The following EIF3M variants were observed in gnomAD, a reference collection of about 807,000 sequenced individuals.
The protein encoded by EIF3M is B5 receptor.
EIF3M carries 25 observed loss-of-function variants against 49.7 expected under a neutral mutation model. The observed-to-expected ratio is 0.50, with a 90% CI of 0.37 to 0.70. The LOEUF (loss-of-function observed/expected upper bound fraction) is 0.70. EIF3M is among the 30% of genes least tolerant of loss of function. The probability of loss-of-function intolerance (pLI) is 0.00; values close to 1 mark genes in which losing one functional copy is unlikely to be tolerated. For synonymous variants in EIF3M, 156 were observed against 149.8 expected (o/e 1.04, Z -0.30); for missense variants, 350 against 440.0 (o/e 0.80, Z 1.83).
Position 32,602,996 on chromosome 11 carries a change from T to C in EIF3M, c.*597T>C, listed in dbSNP as rs761559747. 2 of 1,603,734 alleles carry C rather than the reference T, an allele frequency of 1.2e-6. No homozygotes were observed. The highest frequency in any genetic ancestry group is 1.7e-6 in the Non-Finnish European group (2 of 1,177,446). ...GCCTGCAAATGGCTTTGTAGTGGAG[T>C]TGATATCAGAGGCTTTGTTTTCACC... On this transcript the variant is annotated 3_prime_UTR_variant, in exon 11 of 11. Coordinates refer to ENST00000531120, the MANE Select transcript of EIF3M (RefSeq NM_006360.6).
In EIF3M at chr11:32,601,498, C is replaced by CT. The variant is rs201150426; in HGVS notation, c.944-261dup. 1,516 of 175,118 alleles carry CT rather than the reference C, an allele frequency of 8.7e-3. 6 individuals carry two copies. The highest frequency in any genetic ancestry group is 0.011 in the Non-Finnish European group (1,140 of 100,994). 10.8% of individuals were successfully genotyped at this position (175,118 alleles called of 1,614,324 possible). ...TGGTAGGGGAAGAACACCTAGCATT[C>CT]TTTAAAAAAAAAAAAAAAAAAAAAA... On this transcript the variant is annotated intron_variant, in intron 9 of 10. Coordinates refer to ENST00000531120, the MANE Select transcript of EIF3M (RefSeq NM_006360.6).
chr11:32,595,125 AAAGATT>A, intron 7 of EIF3M, 112 bp downstream of exon 7: 1 of 868,296 alleles, frequency 1.2e-6, no homozygotes, highest in South Asian at 1.7e-5. Context: ...CAAGATATGG[AAAGATT>A]AAGAACTATG....
chr11:32,596,097 A>T lies in EIF3M; in HGVS notation c.799+50A>T, dbSNP rs114918668. ...AGGCACAGAGGTGGGAACATGATACACTAACAGTTATGTACTATGTGTTCC... is the reference window on the plus strand; with the variant it reads ...AGGCACAGAGGTGGGAACATGATACTCTAACAGTTATGTACTATGTGTTCC... On this transcript the variant is annotated intron_variant, in intron 8 of 10. Coordinates refer to ENST00000531120, the MANE Select transcript of EIF3M (RefSeq NM_006360.6). 1.2e-5 allele frequency: 16 copies of T among 1,360,344 alleles called. No individual in the cohort carries two copies. The African/African-American group carries it at 2.3e-4, about 19-fold the overall frequency. The allele number at this position is 1,360,344 out of a possible 1,614,324, so 84.3% of individuals were successfully genotyped here.
chr11:32,588,467 T>C, intron 2 of EIF3M, 127 bp from the exon 3 acceptor site: 1 of 1,089,540 alleles, frequency 9.2e-7, no homozygotes, highest in Non-Finnish European at 1.2e-6. Flanking sequence ...TACAAGTTGC[T>C]TTCTGAATGC....
rs769837758 is a variant in EIF3M at position 32,602,917 on chromosome 11, G to T, written c.*518G>T. 2 of 1,612,204 alleles carry T rather than the reference G, an allele frequency of 1.2e-6. No homozygotes were observed. Among genetic ancestry groups the T allele is most frequent in the African/African-American group, 2.7e-5 (2 of 74,756 alleles). On this transcript the variant is annotated 3_prime_UTR_variant, in exon 11 of 11. Transcript: ENST00000531120. ...ATTTTCACTTTTATTTAGTTGATTCGTAATGAGGCTCTGCCAGTCATCATC... is the reference window on the plus strand; with the variant it reads ...ATTTTCACTTTTATTTAGTTGATTCTTAATGAGGCTCTGCCAGTCATCATC...
At position 32,588,731 on chromosome 11, in the gene EIF3M, T is replaced by G; in HGVS notation, c.313T>G (p.Leu105Val). 1 of 1,614,070 alleles carries G rather than the reference T, an allele frequency of 6.2e-7. No homozygotes were observed. Among genetic ancestry groups the G allele is most frequent in the South Asian group, 1.1e-5 (1 of 91,074 alleles). Residue 105 changes from leucine (L) to valine (V), a missense_variant and splice_region_variant, in exon 3 of 11, where the codon TTG (leucine) becomes GTG (valine). Physicochemically the swap from Leu to Val is conservative, Grantham distance 32. Coordinates refer to ENST00000531120, the MANE Select transcript of EIF3M (RefSeq NM_006360.6). ...TGAACGCCCGTCTCTGAGACTGCAG[T>G]TGTAAGTTAAGATCTGAAAGAAACT... ...EGERPSLRLQ[L>V]LSNLFHGMDK...
At position 32,587,237 on chromosome 11, in the gene EIF3M, G is replaced by A. The variant is rs1302030906; in HGVS notation, c.175+93G>A. On this transcript the variant is annotated intron_variant, in intron 2 of 10. Coordinates refer to ENST00000531120, the MANE Select transcript of EIF3M (RefSeq NM_006360.6). ...GTCGTCCCTCATTATCTGAGGCAAG[G>A]AGGATTTGGAACCCTCAGATACAGA... 5 of 1,299,062 alleles carry A rather than the reference G, an allele frequency of 3.8e-6. No homozygotes were observed. In the Admixed American group the frequency reaches 1.2e-4, roughly 32 times the overall value. The allele number at this position is 1,299,062 out of a possible 1,614,324, so 80.5% of individuals were successfully genotyped here. A position where few individuals can be genotyped will look rare whatever the true frequency, so the allele number is the denominator to read the frequency against.
intron 10 of EIF3M, 105 bp from the exon 11 acceptor site, chr11:32,602,174 G>A (rs899771794): frequency 3.5e-6 from 5 of 1,425,000 alleles, no homozygotes; most frequent in East Asian, 4.8e-5. Context: ...TCTAAATTAG[G>A]TATATTTAAT....
intron 8 of EIF3M, among the ~76,000 whole-genome samples, chr11:32,599,932 CATT>C (rs138568768): frequency 0.018 from 2,699 of 151,970 alleles, 80 homozygotes; most frequent in African/African-American, 0.061. Flanking sequence ...AGGCCTAACA[CATT>C]GTTGTTATTT....
chr11:32,593,420 G>C (rs1855131256), intron 5 of EIF3M, among the ~76,000 whole-genome samples: 1 of 152,060 alleles, frequency 6.6e-6, no homozygotes, highest in South Asian at 2.1e-4. Context: ...ACAGTTTCTG[G>C]GACACAAAAC....
Position 32,594,966 on chromosome 11 carries a change from C to G in EIF3M, c.670C>G (p.Leu224Val). 6.2e-7 allele frequency: 1 copy of G among 1,613,712 alleles called. No homozygotes were observed. The highest frequency in any genetic ancestry group is 8.5e-7 in the Non-Finnish European group (1 of 1,179,806). The change falls in exon 7 of 11, where the codon CTT becomes GTT. Residue 224 changes from leucine (L) to valine (V), a missense_variant. Coordinates refer to ENST00000531120, the MANE Select transcript of EIF3M (RefSeq NM_006360.6). ...DPNAFLFDHL[L>V]TLKPVKFLEG... is the part of the protein sequence containing the mutation. ...AAATGCATTTCTTTTTGACCACCTT[C>G]TTACTTTAAAACCAGTCAAGTTTTT...
intron 5 of EIF3M, chr11:32,592,238 T>C (rs1166139006): frequency 2.4e-6 from 1 of 409,016 alleles, no homozygotes; most frequent in Non-Finnish European, 4.6e-6. Flanking sequence ...GCATCTGTTG[T>C]TTAAAAAGGG....
rs1565047141 is a variant in EIF3M at position 32,589,603 on chromosome 11, A to G, written c.495A>G (p.Leu165=). 2 of 1,614,180 alleles carry G rather than the reference A, an allele frequency of 1.2e-6. No individual in the cohort carries two copies. The highest frequency in any genetic ancestry group is 1.3e-5 in the African/African-American group (1 of 75,068). The change falls in exon 5 of 11, where the codon TTA becomes TTG. Residue 165 remains leucine (L), a synonymous_variant. Transcript: ENST00000531120. ...NLTTEKKHTL[L]RLLYEALVDC... is the part of the protein sequence containing the mutation. ...CCACTGAAAAAAAGCACACCCTTTTAAGACTACTTTATGAGGCACTTGTGG... is the reference window on the plus strand; with the variant it reads ...CCACTGAAAAAAAGCACACCCTTTTGAGACTACTTTATGAGGCACTTGTGG...
intron 8 of EIF3M, among the ~76,000 whole-genome samples, chr11:32,599,842 C>T (rs888291286): frequency 6.6e-6 from 1 of 151,810 alleles, no homozygotes; most frequent in Non-Finnish European, 1.5e-5. Flanking sequence ...GACTATAAGT[C>T]CCCATTTAAT....
rs1009247826 is a variant in EIF3M, at chr11:32,601,970, C to T, written c.1004+148C>T. 5.4e-6 allele frequency: 5 copies of T among 921,648 alleles called. No individual in the cohort carries two copies. In the Admixed American group the frequency reaches 1.3e-4, roughly 24 times the overall value. The allele number at this position is 921,648 out of a possible 1,614,324, so 57.1% of individuals were successfully genotyped here. On this transcript the variant is annotated intron_variant, in intron 10 of 10. Coordinates refer to ENST00000531120, the MANE Select transcript of EIF3M (RefSeq NM_006360.6). ...TATCATAATTTTATTAAAGTTCAGA[C>T]TGAATGTGATTAGCTTATTTAATGA...
intron 1 of EIF3M, among the ~76,000 whole-genome samples, chr11:32,586,782 G>T (rs1419942874): frequency 6.6e-6 from 1 of 152,232 alleles, no homozygotes; most frequent in Non-Finnish European, 1.5e-5. Context: ...AATTCTGAAG[G>T]TGATCCATGG....
chr11:32,585,200 A>G (rs2133191281), intron 1 of EIF3M, among the ~76,000 whole-genome samples: 1 of 152,346 alleles, frequency 6.6e-6, no homozygotes, highest in East Asian at 1.9e-4. Flanking sequence ...GGTTAAGCAC[A>G]GATAGGAAGA....
chr11:32,602,007 T>G, intron 10 of EIF3M, 185 bp downstream of exon 10: 2 of 837,922 alleles, frequency 2.4e-6, no homozygotes, highest in South Asian at 1.7e-5. Context: ...AGAGTCCTAT[T>G]TTCCAGCACA....
At chr11:32,599,404 A>G (rs1356145700) in intron 8 of EIF3M, among the ~76,000 whole-genome samples, 1 of 152,022 alleles carries the variant, frequency 6.6e-6, no homozygotes, top group Non-Finnish European at 1.5e-5. Flanking sequence ...TCTGTGCCAA[A>G]TAGGAAGCCT....
Sources: gnomAD v4.1 joint callset for allele counts (sites outside exome capture counted in the v4.1 genomes callset) on GRCh38, gnomAD v4.1.1 for gene constraint, MANE v1.5 for transcripts, NCBI Gene and HGNC (gene_info 2026-07-23, HGNC 2026-07-21) for gene names.